CHMP2B: variants seen among roughly 807,000 people sequenced by gnomAD.
CHMP2B encodes VPS2 homolog B.
CHMP2B carries 22 observed loss-of-function variants against 29.8 expected under a neutral mutation model. The ratio of observed to expected loss-of-function variants is 0.74; its 90% CI spans 0.53 to 1.05. The LOEUF (loss-of-function observed/expected upper bound fraction) is 1.05, where lower values mean the gene tolerates loss of function less well. Among genes scored for constraint, CHMP2B ranks in the 50% least tolerant of loss-of-function variants. The probability of loss-of-function intolerance (pLI) is 0.00; values close to 1 mark genes in which losing one functional copy is unlikely to be tolerated. For missense variants in CHMP2B, 261 were observed against 252.2 expected, an observed-to-expected ratio of 1.03 and a Z score of -0.24; for synonymous variants, 78 against 75.8, an observed-to-expected ratio of 1.03 and a Z score of -0.15.
chr3:87,242,665 G>A (rs1283562607), intron 2 of CHMP2B, among the ~76,000 whole-genome samples: 1 of 152,084 alleles, frequency 6.6e-6, no homozygotes, highest in Non-Finnish European at 1.5e-5. Flanking sequence ...AAGGGTAGAG[G>A]TTCACTTTTT....
chr3:87,227,501 C>A lies in CHMP2B; in HGVS notation c.-22C>A, dbSNP rs1226618188. 2 of 1,613,998 alleles carry A rather than the reference C, an allele frequency of 1.2e-6. No homozygotes were observed. Among genetic ancestry groups the A allele is most frequent in the Non-Finnish European group, 1.7e-6 (2 of 1,179,998 alleles). On this transcript the variant is annotated 5_prime_UTR_variant, in exon 1 of 6. Transcript: ENST00000263780. Reference sequence around the variant, plus strand: ...TGGGCCGGACCGGGCCGAGCCGGGCCGCCCGGGCGCAGTCTTTAACCATGG... The same window carrying A: ...TGGGCCGGACCGGGCCGAGCCGGGCAGCCCGGGCGCAGTCTTTAACCATGG...
At chr3:87,252,263 C>CTCCT (rs1706328692) in intron 4 of CHMP2B, among the ~76,000 whole-genome samples, 2 of 151,794 alleles carry the variant, frequency 1.3e-5, no homozygotes, top group Admixed American at 1.3e-4. Flanking sequence ...GCCAGGAGCC[C>CTCCT]CAGTTACCAA....
At chr3:87,240,384 C>CAACG (rs1303366678) in intron 1 of CHMP2B, 1 of 246,254 alleles carries the variant, frequency 4.1e-6, no homozygotes, top group Non-Finnish European at 8.2e-6. Context: ...GATCTCGGCT[C>CAACG]AACGCAACCA....
At chr3:87,247,092 T>A (rs1264464100) in intron 3 of CHMP2B, among the ~76,000 whole-genome samples, 1 of 152,210 alleles carries the variant, frequency 6.6e-6, no homozygotes, top group African/African-American at 2.4e-5. Context: ...ACAGGCAATT[T>A]ATGTTATTCA....
chr3:87,230,679 T>A (rs1030768220), intron 1 of CHMP2B, among the ~76,000 whole-genome samples: 4 of 152,198 alleles, frequency 2.6e-5, no homozygotes, highest in African/African-American at 9.6e-5. Context: ...GGCCAGTTTC[T>A]TTTTGCTTTT....
chr3:87,234,194 G>C (rs1424072341), intron 1 of CHMP2B, among the ~76,000 whole-genome samples: 1 of 152,182 alleles, frequency 6.6e-6, no homozygotes, highest in Non-Finnish European at 1.5e-5. Context: ...GGGAGGACAG[G>C]CATGATTCAA....
chr3:87,250,941 A>G (rs556141951), intron 4 of CHMP2B, among the ~76,000 whole-genome samples: 2 of 151,866 alleles, frequency 1.3e-5, no homozygotes, highest in African/African-American at 2.4e-5. Context: ...TATTGCTTAT[A>G]TTATGTCAAA....
intron 1 of CHMP2B, among the ~76,000 whole-genome samples, chr3:87,231,419 C>T (rs1346911410): frequency 6.6e-6 from 1 of 152,168 alleles, no homozygotes; most frequent in East Asian, 1.9e-4. Context: ...CTATTCAGAT[C>T]CTACTTAACT....
In CHMP2B at chr3:87,240,785, CA is replaced by C. The variant is rs1161929886; in HGVS notation, c.122del (p.Gln41ArgfsTer4). 8.7e-6 allele frequency: 14 copies of C among 1,610,792 alleles called. No individual in the cohort carries two copies. The highest frequency in any genetic ancestry group is 1.2e-5 in the Non-Finnish European group (14 of 1,177,108). On this transcript the variant is annotated frameshift_variant, in exon 2 of 6. Transcript: ENST00000263780. LOFTEE classifies it high-confidence loss of function. ...AGCAGCTTTAGAGAAACAAGAAAAA[CA>C]GCTGGTAAGTAGAACGTTAAATTTC... ...DRAALEKQEKQLELEIKKMAK... is the reference protein window; with the variant it reads ...DRAALEKQEKXLELEIKKMAK...
chr3:87,238,472 T>C (rs189017506), intron 1 of CHMP2B, among the ~76,000 whole-genome samples: 2 of 152,334 alleles, frequency 1.3e-5, no homozygotes, highest in East Asian at 1.9e-4. Context: ...CCATTGTCTC[T>C]TCTCCCCAAC....
chr3:87,232,199 A>G (rs1045756306), intron 1 of CHMP2B, among the ~76,000 whole-genome samples: 2 of 152,184 alleles, frequency 1.3e-5, no homozygotes, highest in Admixed American at 6.5e-5. Context: ...CTTTTGCCTC[A>G]TTGGGATGAT....
At chr3:87,237,319 C>T (rs1559606507) in intron 1 of CHMP2B, among the ~76,000 whole-genome samples, 1 of 152,026 alleles carries the variant, frequency 6.6e-6, no homozygotes, top group Non-Finnish European at 1.5e-5. Context: ...TAAATAAAGT[C>T]AGATGGGGCC....
intron 1 of CHMP2B, among the ~76,000 whole-genome samples, chr3:87,237,516 C>G (rs899712768): frequency 3.9e-4 from 60 of 152,166 alleles, no homozygotes; most frequent in Middle Eastern, 3.2e-3. Context: ...ATTGTTTAAG[C>G]CATCTACTTT....
At chr3:87,228,545 G>GT (rs1315747879) in intron 1 of CHMP2B, among the ~76,000 whole-genome samples, 1 of 152,224 alleles carries the variant, frequency 6.6e-6, no homozygotes, top group African/African-American at 2.4e-5. Context: ...AGACCTGGAC[G>GT]TAACTCCTTC....
Position 87,254,058 on chromosome 3 carries a change from A to G in CHMP2B, c.*236A>G, listed in dbSNP as rs1706360944. On this transcript the variant is annotated 3_prime_UTR_variant, in exon 6 of 6. Transcript: ENST00000263780. Reference sequence around the variant, plus strand: ...GAACTGTTTAGGAGTGATGATGTGTAAAAAGTTGACTTCTCTTTTGCATGG... The same window carrying G: ...GAACTGTTTAGGAGTGATGATGTGTGAAAAGTTGACTTCTCTTTTGCATGG... 1 of 411,108 alleles carries G rather than the reference A, an allele frequency of 2.4e-6. No individual in the cohort carries two copies. The highest frequency in any genetic ancestry group is 2.0e-5 in the African/African-American group (1 of 49,184). 25.5% of individuals were successfully genotyped at this position (411,108 alleles called of 1,614,324 possible). A position where few individuals can be genotyped will look rare whatever the true frequency, so the allele number is the denominator to read the frequency against.
rs774383512 is a variant in CHMP2B, at chr3:87,240,776, CAAGA to C, written c.115_118del (p.Glu39AsnfsTer5). 6.2e-7 allele frequency: 1 copy of C among 1,612,160 alleles called. No homozygotes were observed. The highest frequency in any genetic ancestry group is 8.5e-7 in the Non-Finnish European group (1 of 1,178,432). Reference sequence around the variant, plus strand: ...CAGAGATCGAGCAGCTTTAGAGAAACAAGAAAAACAGCTGGTAAGTAGAACGTTA... The same window carrying C: ...CAGAGATCGAGCAGCTTTAGAGAAACAAAACAGCTGGTAAGTAGAACGTTA... On this transcript the variant is annotated frameshift_variant, in exon 2 of 6. Transcript: ENST00000263780. LOFTEE classifies it high-confidence loss of function.
In CHMP2B at chr3:87,227,518, T is replaced by C. The variant is rs1705831836; in HGVS notation, c.-5T>C. ...AGCCGGGCCGCCCGGGCGCAGTCTT[T>C]AACCATGGCGTCCCTCTTCAAGAAG... On this transcript the variant is annotated 5_prime_UTR_variant, in exon 1 of 6. Coordinates refer to ENST00000263780, the MANE Select transcript of CHMP2B (RefSeq NM_014043.4). 1 of 1,614,146 alleles carries C rather than the reference T, an allele frequency of 6.2e-7. No homozygotes were observed. The highest frequency in any genetic ancestry group is 8.5e-7 in the Non-Finnish European group (1 of 1,180,014).
chr3:87,243,375 T>C (rs1706157114), intron 2 of CHMP2B, among the ~76,000 whole-genome samples: 1 of 152,104 alleles, frequency 6.6e-6, no homozygotes, highest in Non-Finnish European at 1.5e-5. Context: ...AGTTTTCTTT[T>C]TGTGTGGTGG....
chr3:87,253,855 A>G lies in CHMP2B; in HGVS notation c.*33A>G. ...AAGTCATACTATTTTGCTTACTTAT[A>G]ATTATGTAGTATAAACCAAGCACAG... On this transcript the variant is annotated 3_prime_UTR_variant, in exon 6 of 6. Coordinates refer to ENST00000263780, the MANE Select transcript of CHMP2B (RefSeq NM_014043.4). The G allele has an allele frequency of 6.7e-7, 1 of 1,491,716 alleles. No homozygotes were observed. Among genetic ancestry groups the G allele is most frequent in the South Asian group, 1.1e-5 (1 of 88,290 alleles). 92.4% of individuals were successfully genotyped at this position (1,491,716 alleles called of 1,614,324 possible).
Sources: allele counts gnomAD v4.1 joint callset (sites outside exome capture counted in the v4.1 genomes callset), GRCh38; gene constraint gnomAD v4.1.1; transcripts MANE v1.5; gene names NCBI Gene and HGNC (gene_info 2026-07-23, HGNC 2026-07-21).